Variants in ZBTB16 observed in about 807,000 individuals in gnomAD.
ZBTB16 encodes the protein zinc finger and BTB domain-containing protein 16.
Under a neutral mutation model 56.8 loss-of-function variants are expected in ZBTB16, and 8 were observed. The observed-to-expected ratio is 0.14, with a 90% CI of 0.08 to 0.25. ZBTB16 has a LOEUF of 0.25. ZBTB16 is among the 10% of genes least tolerant of loss of function. The probability of loss-of-function intolerance (pLI) is 1.00; values close to 1 mark genes in which losing one functional copy is unlikely to be tolerated. For synonymous variants in ZBTB16, 363 were observed against 368.5 expected (o/e 0.98, Z 0.17); for missense variants, 625 against 903.0 (o/e 0.69, Z 3.95).
intron 2 of ZBTB16, among the ~76,000 whole-genome samples, chr11:114,083,075 C>T (rs562161469): frequency 1.3e-5 from 2 of 152,310 alleles, no homozygotes; most frequent in African/African-American, 4.8e-5. Context: ...AGGAGCGGGC[C>T]GGCCTTGGAA....
At chr11:114,244,905 T>C (rs1944784502) in intron 5 of ZBTB16, among the ~76,000 whole-genome samples, 1 of 152,224 alleles carries the variant, frequency 6.6e-6, no homozygotes, top group South Asian at 2.1e-4. Flanking sequence ...ATGTACGTTT[T>C]AATTACCGGC....
At chr11:114,205,952 T>C (rs1305238642) in intron 4 of ZBTB16, among the ~76,000 whole-genome samples, 3 of 152,120 alleles carry the variant, frequency 2.0e-5, no homozygotes, top group African/African-American at 7.2e-5. Context: ...ATCCCCTGTC[T>C]CCAGACAAGT....
At chr11:114,207,475 C>G (rs757273630) in intron 4 of ZBTB16, among the ~76,000 whole-genome samples, 16 of 151,962 alleles carry the variant, frequency 1.1e-4, no homozygotes, top group Admixed American at 2.0e-4. Flanking sequence ...CCCTATGATG[C>G]GTGTACACTG....
At chr11:114,082,926 G>A (rs910569995) in intron 2 of ZBTB16, among the ~76,000 whole-genome samples, 2 of 152,198 alleles carry the variant, frequency 1.3e-5, no homozygotes, top group African/African-American at 4.8e-5. Context: ...GGCCAGTCTC[G>A]GCTGTGGTCG....
intron 2 of ZBTB16, among the ~76,000 whole-genome samples, chr11:114,075,629 G>GTGTATATATATATA (rs142761461): frequency 2.8e-5 from 4 of 141,026 alleles, no homozygotes; most frequent in African/African-American, 1.2e-4. Flanking sequence ...GCTAATTTTT[G>GTGTATATATATATA]TATATATATA....
At chr11:114,164,626 T>C (rs1173723563) in intron 3 of ZBTB16, among the ~76,000 whole-genome samples, 2 of 152,220 alleles carry the variant, frequency 1.3e-5, no homozygotes, top group Non-Finnish European at 2.9e-5. Context: ...TTCCCTTGGC[T>C]TCGCAGACAC....
chr11:114,204,433 C>G (rs1943806688), intron 4 of ZBTB16, among the ~76,000 whole-genome samples: 1 of 152,200 alleles, frequency 6.6e-6, no homozygotes, highest in South Asian at 2.1e-4. Context: ...AGCCACCACA[C>G]CCGGTCTCAT....
intron 3 of ZBTB16, among the ~76,000 whole-genome samples, chr11:114,173,751 A>T (rs1943033602): frequency 6.6e-6 from 1 of 152,182 alleles, no homozygotes; most frequent in Non-Finnish European, 1.5e-5. Context: ...CTCAGAGAAG[A>T]TGTAATCAAA....
At chr11:114,095,616 A>G (rs1394859190) in intron 2 of ZBTB16, among the ~76,000 whole-genome samples, 1 of 152,210 alleles carries the variant, frequency 6.6e-6, no homozygotes, top group African/African-American at 2.4e-5. Flanking sequence ...CAAACAAGGC[A>G]GAATTGGGAC....
intron 2 of ZBTB16, among the ~76,000 whole-genome samples, chr11:114,130,019 G>T (rs140489625): frequency 6.6e-6 from 1 of 152,256 alleles, no homozygotes; most frequent in Non-Finnish European, 1.5e-5. Context: ...CAAGGTGTGT[G>T]TGGAAATCAA....
chr11:114,124,206 G>A (rs939841569), intron 2 of ZBTB16, among the ~76,000 whole-genome samples: 1 of 152,026 alleles, frequency 6.6e-6, no homozygotes, highest in Non-Finnish European at 1.5e-5. Flanking sequence ...GCGGGGTCAG[G>A]GTAACTTATG....
At chr11:114,191,659 C>T (rs778688129) in intron 4 of ZBTB16, among the ~76,000 whole-genome samples, 17 of 152,230 alleles carry the variant, frequency 1.1e-4, no homozygotes, top group Non-Finnish European at 2.1e-4. Flanking sequence ...ACTGCCTTGT[C>T]ATGGGCAGGG....
intron 2 of ZBTB16, among the ~76,000 whole-genome samples, chr11:114,114,934 C>T (rs137994223): frequency 0.017 from 2,620 of 152,186 alleles, 63 homozygotes; most frequent in African/African-American, 0.059. Flanking sequence ...CCTCCCGCCT[C>T]GGCCTCCCAA....
Position 114,156,604 on chromosome 11 carries a change from C to A in ZBTB16, c.1366+170C>A, listed in dbSNP as rs532334827. ...CAGGCTTATGACACAGAAGATCCATCCTGATGGCGGGGCCACTTGGATGAA... is the reference window on the plus strand; with the variant it reads ...CAGGCTTATGACACAGAAGATCCATACTGATGGCGGGGCCACTTGGATGAA... On this transcript the variant is annotated intron_variant, in intron 3 of 6. Coordinates refer to ENST00000335953, the MANE Select transcript of ZBTB16 (RefSeq NM_006006.6). 4.6e-5 allele frequency among the ~76,000 whole-genome samples: 7 copies of A among 152,268 alleles called. No homozygotes were observed. The South Asian group carries it at 1.5e-3, about 32-fold the overall frequency.
At chr11:114,186,048 G>T (rs954635253) in intron 3 of ZBTB16, among the ~76,000 whole-genome samples, 17 of 152,126 alleles carry the variant, frequency 1.1e-4, no homozygotes, top group Non-Finnish European at 1.5e-4. Context: ...GAAAGACAGG[G>T]CCATAGGCAT....
At chr11:114,219,749 C>T (rs539677851) in intron 4 of ZBTB16, among the ~76,000 whole-genome samples, 1 of 152,156 alleles carries the variant, frequency 6.6e-6, no homozygotes, top group Admixed American at 6.5e-5. Flanking sequence ...TGTTTGCAGA[C>T]ATTCTGGGAA....
chr11:114,201,700 G>A (rs1319191083), intron 4 of ZBTB16, among the ~76,000 whole-genome samples: 5 of 152,172 alleles, frequency 3.3e-5, no homozygotes, highest in Non-Finnish European at 5.9e-5. Context: ...GTTATATAGT[G>A]TGGTCCCATT....
chr11:114,145,179 T>A (rs1361319693), intron 2 of ZBTB16, among the ~76,000 whole-genome samples: 4 of 152,194 alleles, frequency 2.6e-5, no homozygotes, highest in Admixed American at 2.6e-4. Context: ...TCCAAAAATG[T>A]ATTGAGAAAT....
intron 2 of ZBTB16, among the ~76,000 whole-genome samples, chr11:114,124,242 T>G (rs1286329719): frequency 6.6e-6 from 1 of 152,066 alleles, no homozygotes; most frequent in Admixed American, 6.5e-5. Flanking sequence ...CTTTATTTTT[T>G]AATACATCAC....
Sources: gnomAD v4.1 joint callset for allele counts (sites outside exome capture counted in the v4.1 genomes callset) on GRCh38, gnomAD v4.1.1 for gene constraint, MANE v1.5 for transcripts, NCBI Gene and HGNC (gene_info 2026-07-23, HGNC 2026-07-21) for gene names.